The following TRIM51G variants were observed in gnomAD, a reference collection of about 807,000 sequenced individuals.
TRIM51G encodes the protein tripartite motif-containing 51G.
chr11:48,980,412 C>G, the TRIM51G span, among the ~76,000 whole-genome samples: 1 of 152,116 alleles, frequency 6.6e-6, no homozygotes, highest in African/African-American at 2.4e-5. Flanking sequence ...TGTGTTATGA[C>G]TGATTCAATA....
chr11:48,977,811 G>A, the TRIM51G span, among the ~76,000 whole-genome samples: 1 of 151,936 alleles, frequency 6.6e-6, no homozygotes, highest in African/African-American at 2.4e-5. Context: ...CAAATATGAA[G>A]GCTTTTGAGC....
At chr11:48,982,947 G>GTGTATA in the TRIM51G span, among the ~76,000 whole-genome samples, 528 of 85,898 alleles carry the variant, frequency 6.1e-3, 25 homozygotes, top group Non-Finnish European at 6.7e-3. Context: ...AGTATTTTTG[G>GTGTATA]TATATATACA....
chr11:48,982,116 G>T, the TRIM51G span, among the ~76,000 whole-genome samples: 3 of 152,148 alleles, frequency 2.0e-5, no homozygotes, highest in Non-Finnish European at 4.4e-5. Flanking sequence ...AAGATGGTCA[G>T]AGGGTGCTAT....
chr11:48,978,364 A>G, the TRIM51G span, among the ~76,000 whole-genome samples: 1 of 152,124 alleles, frequency 6.6e-6, no homozygotes, highest in South Asian at 2.1e-4. Context: ...AGTTTTGAAG[A>G]CATTCTTTTT....
At chr11:48,982,871 T>C in the TRIM51G span, among the ~76,000 whole-genome samples, 2 of 127,918 alleles carry the variant, frequency 1.6e-5, no homozygotes, top group Non-Finnish European at 3.3e-5. Context: ...TGGTATACAG[T>C]ATAGCATATT....
the TRIM51G span, chr11:48,981,193 A>C: frequency 1.7e-5 from 26 of 1,553,406 alleles, no homozygotes. Context: ...TTAAGGGGGC[A>C]CAGAGATGGC....
At chr11:48,978,979 G>C in the TRIM51G span, 3 of 1,523,142 alleles carry the variant, frequency 2.0e-6, no homozygotes, top group Non-Finnish European at 2.7e-6. Context: ...TCATTGAGTT[G>C]CTGAAAAATG....
chr11:48,981,377 C>T, the TRIM51G span: 19 of 1,607,636 alleles, frequency 1.2e-5, no homozygotes, highest in South Asian at 1.9e-4. Flanking sequence ...AGGCTCTTGT[C>T]CACTTCACAG....
chr11:48,979,577 A>T, the TRIM51G span, among the ~76,000 whole-genome samples: 1 of 151,988 alleles, frequency 6.6e-6, no homozygotes, highest in Non-Finnish European at 1.5e-5. Context: ...TTCCAAACTC[A>T]CCCTAATCGG....
the TRIM51G span, among the ~76,000 whole-genome samples, chr11:48,976,904 T>G: frequency 2.6e-5 from 4 of 152,152 alleles, no homozygotes; most frequent in Non-Finnish European, 5.9e-5. Context: ...TCACTATGTT[T>G]TACTCTTCAT....
the TRIM51G span, among the ~76,000 whole-genome samples, chr11:48,982,960 T>C: frequency 1.2e-3 from 11 of 9,132 alleles, no homozygotes; most frequent in African/African-American, 1.7e-3. Context: ...TATATACATA[T>C]ATATATATAT....
chr11:48,978,873 T>C, the TRIM51G span: 2 of 1,338,240 alleles, frequency 1.5e-6, no homozygotes, highest in East Asian at 4.6e-5. Context: ...AGTCCGTACC[T>C]GGAATAGCTC....
the TRIM51G span, among the ~76,000 whole-genome samples, chr11:48,980,112 A>G: frequency 3.9e-5 from 6 of 151,992 alleles, no homozygotes; most frequent in African/African-American, 7.2e-5. Flanking sequence ...TCTCATTTCA[A>G]TTGCAAGATT....
the TRIM51G span, chr11:48,978,845 T>C: frequency 3.9e-6 from 4 of 1,021,596 alleles, no homozygotes; most frequent in Non-Finnish European, 4.7e-6. Context: ...ATCTTCAACA[T>C]CATGATAACC....
chr11:48,975,519 G>T, the TRIM51G span: 3 of 1,393,758 alleles, frequency 2.2e-6, no homozygotes, highest in Non-Finnish European at 3.1e-6. Flanking sequence ...TACAGCAAAT[G>T]ATAGGCCAGA....
chr11:48,982,560 C>A, the TRIM51G span, among the ~76,000 whole-genome samples: 10 of 151,968 alleles, frequency 6.6e-5, no homozygotes, highest in Non-Finnish European at 1.2e-4. Flanking sequence ...GCTGGTAGCT[C>A]AGACTGAAGA....
chr11:48,981,225 T>C, the TRIM51G span: 5 of 1,593,324 alleles, frequency 3.1e-6, no homozygotes, highest in East Asian at 6.7e-5. Flanking sequence ...TCGAAGGAAA[T>C]AGGCTGACAA....
the TRIM51G span, chr11:48,975,581 C>G: frequency 7.3e-7 from 1 of 1,378,310 alleles, no homozygotes; most frequent in Non-Finnish European, 1.0e-6. Context: ...GAACTTCTAT[C>G]CACATCAACA....
chr11:48,980,856 C>T, the TRIM51G span: 2 of 460,592 alleles, frequency 4.3e-6, no homozygotes, highest in East Asian at 7.0e-5. Context: ...AAGAGTCACC[C>T]ATTTGTTCAC....
Sources: allele counts gnomAD v4.1 joint callset (sites outside exome capture counted in the v4.1 genomes callset), GRCh38; gene constraint gnomAD v4.1.1; transcripts MANE v1.5; gene names NCBI Gene and HGNC (gene_info 2026-07-23, HGNC 2026-07-21).